Variants in SPECC1L observed in about 807,000 individuals in gnomAD.
SPECC1L encodes cytospin-A.
Under a neutral mutation model 116.8 loss-of-function variants are expected in SPECC1L, and 40 were observed. The observed-to-expected ratio is 0.34, with a 90% confidence interval of 0.27 to 0.45. The LOEUF (loss-of-function observed/expected upper bound fraction) is 0.45. Ranked by LOEUF, SPECC1L falls within the 20% of genes least tolerant of loss-of-function variation. The probability of loss-of-function intolerance (pLI) is 1.00; values close to 1 mark genes in which losing one functional copy is unlikely to be tolerated. For missense variants in SPECC1L, 1,110 were observed against 1,373.6 expected, an observed-to-expected ratio of 0.81 and a Z score of 3.03; for synonymous variants, 504 against 500.6, an observed-to-expected ratio of 1.01 and a Z score of -0.09.
intron 5 of SPECC1L, 141 bp from the exon 6 acceptor site, chr22:24,324,079 A>G (rs761567078): frequency 5.8e-6 from 4 of 692,632 alleles, no homozygotes; most frequent in Non-Finnish European, 1.0e-5. Flanking sequence ...ATACTTTTTA[A>G]CAGTTATTAC....
In SPECC1L at chr22:24,322,805, C is replaced by T; in HGVS notation, c.1825C>T (p.Leu609=). 1.2e-6 allele frequency: 2 copies of T among 1,602,656 alleles called. No homozygotes were observed. Among genetic ancestry groups the T allele is most frequent in the Non-Finnish European group, 1.7e-6 (2 of 1,174,874 alleles). ...SGDKSDIQDL[L]ESVRLDKEKA... ...AGACAAATCTGATATTCAGGACCTC[C>T]TGGAGAGTGTCAGGCTGGACAAAGA... The change falls in exon 5 of 17, where the codon CTG becomes TTG. Residue 609 remains leucine, a synonymous_variant. Coordinates refer to ENST00000314328, the MANE Select transcript of SPECC1L (RefSeq NM_015330.6).
intron 14 of SPECC1L, among the ~76,000 whole-genome samples, chr22:24,396,332 A>G (rs1367060256): frequency 1.3e-5 from 2 of 151,738 alleles, no homozygotes; most frequent in South Asian, 2.1e-4. Flanking sequence ...TTTTTGAGAC[A>G]GGGTCTCACT....
At chr22:24,357,981 C>T (rs1333655645) in intron 11 of SPECC1L, among the ~76,000 whole-genome samples, 2 of 152,104 alleles carry the variant, frequency 1.3e-5, no homozygotes, top group Admixed American at 1.3e-4. Context: ...ATTTCTAGGA[C>T]ATAGGCCATG....
At chr22:24,286,101 A>G (rs2146351503) in intron 2 of SPECC1L, among the ~76,000 whole-genome samples, 1 of 152,194 alleles carries the variant, frequency 6.6e-6, no homozygotes, top group Admixed American at 6.5e-5. Context: ...GGCTTTGGTG[A>G]TTTTTTGGTG....
At chr22:24,344,250 A>G (rs925507922) in intron 10 of SPECC1L, among the ~76,000 whole-genome samples, 1 of 152,184 alleles carries the variant, frequency 6.6e-6, no homozygotes, top group Non-Finnish European at 1.5e-5. Context: ...CCAGCAATAT[A>G]TAAAAACGAC....
intron 2 of SPECC1L, among the ~76,000 whole-genome samples, chr22:24,277,130 C>G (rs1165297426): frequency 6.6e-6 from 1 of 152,272 alleles, no homozygotes; most frequent in South Asian, 2.1e-4. Flanking sequence ...CTAGTTCCCT[C>G]ATTTTTATGA....
At chr22:24,302,832 A>G (rs902163392) in intron 3 of SPECC1L, among the ~76,000 whole-genome samples, 2 of 152,158 alleles carry the variant, frequency 1.3e-5, no homozygotes, top group Non-Finnish European at 2.9e-5. Context: ...CATGTGAGCC[A>G]AGTCTGGCAG....
intron 11 of SPECC1L, among the ~76,000 whole-genome samples, chr22:24,355,399 A>G (rs1160154819): frequency 2.0e-5 from 3 of 151,838 alleles, no homozygotes; most frequent in Non-Finnish European, 4.4e-5. Flanking sequence ...TTGTATGTAT[A>G]TGTACCAACT....
At position 24,369,218 on chromosome 22, in the gene SPECC1L, A is replaced by G. The variant is rs1409151900; in HGVS notation, c.2985A>G (p.Arg995=). 6.2e-7 allele frequency: 1 copy of G among 1,610,180 alleles called. No homozygotes were observed. The highest frequency in any genetic ancestry group is 8.5e-7 in the Non-Finnish European group (1 of 1,176,380). Residue 995 remains arginine, a splice_region_variant and synonymous_variant, in exon 14 of 17, where the codon AGA becomes AGG. Transcript: ENST00000314328. ...TCAACTTTGGGTTACTTGTTTTCAG[A>G]GAAGAAAGGAAAGACCCTCTCTCAG... ...SVTPTTRSRI[R]EERKDPLSAL... is the part of the protein sequence containing the mutation.
intron 14 of SPECC1L, among the ~76,000 whole-genome samples, chr22:24,407,724 G>C (rs2042619693): frequency 6.6e-6 from 1 of 152,042 alleles, no homozygotes; most frequent in African/African-American, 2.4e-5. Context: ...CTTTTTTTTA[G>C]TACCTTTAAT....
Position 24,330,431 on chromosome 22 carries a change from A to G in SPECC1L, c.2396A>G (p.Lys799Arg), listed in dbSNP as rs202117661. Residue 799 changes from lysine (K) to arginine (R), a missense_variant and splice_region_variant, in exon 8 of 17, where the codon AAG (lysine) becomes AGG (arginine). Physicochemically the swap from Lys to Arg is conservative, Grantham distance 26. Transcript: ENST00000314328. ...TKELEEIKSR[K>R]QEEERGRVYN... ...GAATTGGAGGAAATAAAGTCACGCA[A>G]GTAAGTTCTGAGAAACCTGTTGTGT... 1.2e-5 allele frequency: 20 copies of G among 1,614,184 alleles called. No individual in the cohort carries two copies. The highest frequency in any genetic ancestry group is 1.7e-5 in the Non-Finnish European group (20 of 1,180,012).
At chr22:24,321,184 G>C in intron 4 of SPECC1L, 104 bp from the exon 5 acceptor site, 1 of 1,275,320 alleles carries the variant, frequency 7.8e-7, no homozygotes, top group Non-Finnish European at 1.1e-6. Context: ...TCATTGTGTA[G>C]ATCCTGGATT....
chr22:24,367,832 A>G (rs550332397), intron 13 of SPECC1L, among the ~76,000 whole-genome samples: 1 of 152,314 alleles, frequency 6.6e-6, no homozygotes, highest in Admixed American at 6.5e-5. Context: ...TAGGATATTT[A>G]TTGGGCTGCT....
chr22:24,317,588 G>A (rs1407932137), intron 4 of SPECC1L, among the ~76,000 whole-genome samples: 2 of 148,446 alleles, frequency 1.3e-5, no homozygotes, highest in East Asian at 2.1e-4. Context: ...CCTCCCGGAC[G>A]GGGCGGCTGG....
Position 24,321,868 on chromosome 22 carries a change from A to T in SPECC1L, c.888A>T (p.Pro296=), listed in dbSNP as rs1372552854. ...EKLFGYQSLS[P]EITPGNQSDG... ...TGTTTGGCTATCAGTCCCTGAGCCC[A>T]GAAATCACCCCTGGTAACCAGAGCG... Residue 296 remains proline (P), a synonymous_variant, in exon 5 of 17, where the codon CCA becomes CCT. Transcript: ENST00000314328. 1 of 1,614,274 alleles carries T rather than the reference A, an allele frequency of 6.2e-7. No homozygotes were observed. The highest frequency in any genetic ancestry group is 8.5e-7 in the Non-Finnish European group (1 of 1,180,052).
chr22:24,338,610 T>G (rs2041110229), intron 10 of SPECC1L, 133 bp downstream of exon 10: 2 of 706,660 alleles, frequency 2.8e-6, no homozygotes, highest in African/African-American at 1.8e-5. Flanking sequence ...AGAATTTGTT[T>G]CCTAAAATAC....
chr22:24,313,715 C>T (rs540906759), intron 4 of SPECC1L, among the ~76,000 whole-genome samples: 158 of 149,544 alleles, frequency 1.1e-3, no homozygotes, highest in Non-Finnish European at 2.1e-3. Context: ...TCCATAAATA[C>T]TTTATTATCT....
At chr22:24,366,981 G>T (rs2041780913) in intron 13 of SPECC1L, among the ~76,000 whole-genome samples, 1 of 152,126 alleles carries the variant, frequency 6.6e-6, no homozygotes, top group Non-Finnish European at 1.5e-5. Flanking sequence ...ATCACTTGAG[G>T]TCAGCAGTTC....
intron 1 of SPECC1L, among the ~76,000 whole-genome samples, 191 bp downstream of exon 1, chr22:24,271,174 G>A (rs544923436): frequency 1.6e-3 from 238 of 152,356 alleles, no homozygotes; most frequent in African/African-American, 5.7e-3. Flanking sequence ...TCCTCGTTCT[G>A]GGCTTCGGGG....
Sources: gnomAD v4.1 joint callset for allele counts (sites outside exome capture counted in the v4.1 genomes callset) on GRCh38, gnomAD v4.1.1 for gene constraint, MANE v1.5 for transcripts, NCBI Gene and HGNC (gene_info 2026-07-23, HGNC 2026-07-21) for gene names.